The following PDGFRL variants were observed in gnomAD, a reference collection of about 807,000 sequenced individuals.
PDGFRL encodes the protein platelet derived growth factor receptor like, also known as platelet-derived growth factor receptor-like protein.
A neutral mutation model predicts 37.2 loss-of-function variants in PDGFRL; 46 were observed. The observed-to-expected ratio is 1.24, with a 90% CI of 0.98 to 1.58. PDGFRL has a LOEUF of 1.58. Among genes scored for constraint, PDGFRL ranks in the 40% most tolerant of loss-of-function variants. The pLI, the probability that PDGFRL is intolerant of heterozygous loss-of-function variation, is 0.00. For synonymous variants in PDGFRL, 251 were observed against 184.3 expected, an observed-to-expected ratio of 1.36 and a Z score of -2.93; for missense variants, 692 against 467.6, an observed-to-expected ratio of 1.48 and a Z score of -4.43.
At chr8:17,608,177 G>T (rs1385968215) in intron 2 of PDGFRL, among the ~76,000 whole-genome samples, 1 of 152,138 alleles carries the variant, frequency 6.6e-6, no homozygotes, top group African/African-American at 2.4e-5. Flanking sequence ...ATCCTGATTT[G>T]CCCCTGGTCT....
chr8:17,636,086 T>G (rs1237755501), intron 5 of PDGFRL, among the ~76,000 whole-genome samples: 2 of 152,250 alleles, frequency 1.3e-5, no homozygotes, highest in Non-Finnish European at 2.9e-5. Flanking sequence ...ATTCTACTGA[T>G]TATTTCTTTT....
intron 3 of PDGFRL, among the ~76,000 whole-genome samples, chr8:17,625,125 A>T (rs1804706888): frequency 2.4e-5 from 1 of 42,404 alleles, no homozygotes; most frequent in Non-Finnish European, 4.7e-5. Context: ...TATCTCCTAA[A>T]GCTATCCCTC....
intron 1 of PDGFRL, among the ~76,000 whole-genome samples, chr8:17,583,251 G>A (rs1447778833): frequency 6.6e-6 from 1 of 152,146 alleles, no homozygotes; most frequent in Non-Finnish European, 1.5e-5. Flanking sequence ...GGGGAGCCAT[G>A]GGAACAGGGC....
chr8:17,635,458 T>G (rs1804953572), intron 5 of PDGFRL, among the ~76,000 whole-genome samples: 1 of 152,260 alleles, frequency 6.6e-6, no homozygotes, highest in African/African-American at 2.4e-5. Flanking sequence ...AATGCCATTA[T>G]TTAATTCCTT....
chr8:17,634,312 C>T (rs773590388), intron 5 of PDGFRL, 99 bp downstream of exon 5: 23 of 917,194 alleles, frequency 2.5e-5, no homozygotes, highest in Non-Finnish European at 3.7e-5. Flanking sequence ...TGCTATATGC[C>T]ATAACTTCAG....
chr8:17,582,361 A>ATC (rs1803725274), intron 1 of PDGFRL, among the ~76,000 whole-genome samples: 1 of 152,082 alleles, frequency 6.6e-6, no homozygotes, highest in African/African-American at 2.4e-5. Flanking sequence ...AGGCAGGCGG[A>ATC]TCATGAGGTC....
chr8:17,605,516 C>T (rs916219522), intron 2 of PDGFRL, among the ~76,000 whole-genome samples: 3 of 152,308 alleles, frequency 2.0e-5, no homozygotes, highest in Admixed American at 1.3e-4. Context: ...TCATAACACA[C>T]TTCCAGGGTG....
At chr8:17,586,913 T>C (rs1202306961) in intron 1 of PDGFRL, among the ~76,000 whole-genome samples, 1 of 152,212 alleles carries the variant, frequency 6.6e-6, no homozygotes, top group Non-Finnish European at 1.5e-5. Context: ...GCCACCTATT[T>C]CTCTATAAAT....
chr8:17,610,708 A>G (rs1257000935), intron 2 of PDGFRL, among the ~76,000 whole-genome samples: 2 of 152,144 alleles, frequency 1.3e-5, no homozygotes, highest in Non-Finnish European at 2.9e-5. Flanking sequence ...CTCGGGAGCT[A>G]AAGAGCAGCC....
At chr8:17,580,248 G>A (rs1481496614) in intron 1 of PDGFRL, among the ~76,000 whole-genome samples, 1 of 152,020 alleles carries the variant, frequency 6.6e-6, no homozygotes, top group Non-Finnish European at 1.5e-5. Flanking sequence ...TCTCTAAGAA[G>A]GTAAGGACAG....
intron 1 of PDGFRL, among the ~76,000 whole-genome samples, chr8:17,580,305 G>A (rs191430440): frequency 9.9e-5 from 15 of 151,988 alleles, no homozygotes; most frequent in African/African-American, 1.4e-4. Context: ...TGACACTTTC[G>A]TGTCTTCGTT....
chr8:17,595,413 A>AG (rs1804030817), intron 2 of PDGFRL, among the ~76,000 whole-genome samples: 1 of 152,162 alleles, frequency 6.6e-6, no homozygotes, highest in Non-Finnish European at 1.5e-5. Flanking sequence ...GTTCTCGGGT[A>AG]GGGGCCATGC....
At chr8:17,627,007 A>G (rs1489969688) in intron 3 of PDGFRL, among the ~76,000 whole-genome samples, 1 of 152,138 alleles carries the variant, frequency 6.6e-6, no homozygotes, top group Non-Finnish European at 1.5e-5. Flanking sequence ...AGCCGACGCC[A>G]TTCCCCTCCG....
chr8:17,601,039 G>A, intron 2 of PDGFRL, among the ~76,000 whole-genome samples: 1 of 152,218 alleles, frequency 6.6e-6, no homozygotes, highest in East Asian at 1.9e-4. Flanking sequence ...TCATCCTCCT[G>A]TGTCCTTCAG....
chr8:17,629,737 A>AC (rs886386786), intron 4 of PDGFRL, among the ~76,000 whole-genome samples: 1 of 151,692 alleles, frequency 6.6e-6, no homozygotes, highest in Non-Finnish European at 1.5e-5. Flanking sequence ...AGATATTCCC[A>AC]CCCTCATCAC....
intron 1 of PDGFRL, among the ~76,000 whole-genome samples, chr8:17,580,365 GAAA>G (rs774952562): frequency 1.3e-5 from 2 of 152,054 alleles, no homozygotes; most frequent in Non-Finnish European, 2.9e-5. Flanking sequence ...ATATTTTAAT[GAAA>G]AAAAGAATTC....
chr8:17,642,487 C>G, intron 5 of PDGFRL, 126 bp from the exon 6 acceptor site: 2 of 670,022 alleles, frequency 3.0e-6, no homozygotes, highest in Non-Finnish European at 2.7e-6. Flanking sequence ...GCTACGCATA[C>G]TAAACAGTCT....
Position 17,607,255 on chromosome 8 carries a change from G to C in PDGFRL, c.354-13796G>C, listed in dbSNP as rs146867299. Among the ~76,000 whole-genome samples the C allele has an allele frequency of 1.8e-3, 269 of 152,030 alleles. No individual in the cohort carries two copies. The Middle Eastern group carries it at 0.02, about 12-fold the overall frequency. ...GGGCTCACTGATGCTCATACTAATGGTCCCAAGGTTCTCTAGATCACCCAT... is the reference window on the plus strand; with the variant it reads ...GGGCTCACTGATGCTCATACTAATGCTCCCAAGGTTCTCTAGATCACCCAT... On this transcript the variant is annotated intron_variant, in intron 2 of 5. Transcript: ENST00000251630.
intron 1 of PDGFRL, among the ~76,000 whole-genome samples, chr8:17,582,210 C>T (rs1221611006): frequency 2.0e-5 from 3 of 152,126 alleles, no homozygotes; most frequent in Non-Finnish European, 4.4e-5. Context: ...GAAGGCCACA[C>T]TTAAGAGTGA....
Sources: allele counts gnomAD v4.1 joint callset (sites outside exome capture counted in the v4.1 genomes callset), GRCh38; gene constraint gnomAD v4.1.1; transcripts MANE v1.5; gene names NCBI Gene and HGNC (gene_info 2026-07-23, HGNC 2026-07-21).